Variants in SMCO2 observed in about 807,000 individuals in gnomAD.
SMCO2 encodes single-pass membrane and coiled-coil domain-containing protein 2.
Under a neutral mutation model 29.5 loss-of-function variants are expected in SMCO2, and 25 were observed. The ratio of observed to expected loss-of-function variants is 0.85; its 90% CI spans 0.62 to 1.18. The LOEUF is 1.18. Among genes scored for constraint, SMCO2 ranks in the 50% most tolerant of loss-of-function variants. The probability of loss-of-function intolerance (pLI) is 0.00; values close to 1 mark genes in which losing one functional copy is unlikely to be tolerated. For missense variants in SMCO2, 348 were observed against 344.5 expected (o/e 1.01, Z -0.08); for synonymous variants, 117 against 123.3 (o/e 0.95, Z 0.34).
chr12:27,491,092 A>G (rs1417333568), intron 5 of SMCO2, among the ~76,000 whole-genome samples: 1 of 152,212 alleles, frequency 6.6e-6, no homozygotes, highest in African/African-American at 2.4e-5. Flanking sequence ...AGCAAATAAA[A>G]TGTGGGAAAA....
chr12:27,434,326 C>A, the SMCO2 span, among the ~76,000 whole-genome samples: 2 of 152,252 alleles, frequency 1.3e-5, no homozygotes, highest in South Asian at 4.2e-4. Context: ...TTCCGAGACA[C>A]GCTACTGTTA....
chr12:27,477,916 T>C (rs1438572871), intron 4 of SMCO2, among the ~76,000 whole-genome samples: 3 of 152,152 alleles, frequency 2.0e-5, no homozygotes, highest in African/African-American at 4.8e-5. Flanking sequence ...TCCCTTTTCA[T>C]TGGGATGTTA....
chr12:27,424,028 A>G, the SMCO2 span: 1 of 152,236 alleles, frequency 6.6e-6, no homozygotes. Context: ...TAATAATTTT[A>G]TATTAATTAC....
chr12:27,467,208 A>G (rs1224159192), intron 1 of SMCO2, among the ~76,000 whole-genome samples: 2 of 152,152 alleles, frequency 1.3e-5, no homozygotes, highest in African/African-American at 4.8e-5. Flanking sequence ...GTTCCTTGTA[A>G]CTGAAACTGA....
chr12:27,485,987 A>C (rs1949686147), intron 4 of SMCO2, among the ~76,000 whole-genome samples: 1 of 152,196 alleles, frequency 6.6e-6, no homozygotes, highest in Non-Finnish European at 1.5e-5. Context: ...TTAGTCTAGG[A>C]CTAATACGGC....
In SMCO2 at chr12:27,495,679, G is replaced by T; in HGVS notation, c.508-1G>T. 6.9e-7 allele frequency: 1 copy of T among 1,452,224 alleles called. No homozygotes were observed. Among genetic ancestry groups the T allele is most frequent in the Admixed American group, 2.2e-5 (1 of 45,002 alleles). The allele number at this position is 1,452,224 out of a possible 1,614,324, so 90.0% of individuals were successfully genotyped here. A position where few individuals can be genotyped will look rare whatever the true frequency, so the allele number is the denominator to read the frequency against. ...GGTACTTGATTACTCTTTTTTTTCA[G>T]GACCTTTGCAAGAATGTGGAACTGC... is the stretch of plus-strand genomic sequence containing the variant. On this transcript the variant is annotated splice_acceptor_variant, in intron 6 of 7. Transcript: ENST00000298876. LOFTEE classifies it high-confidence loss of function.
In SMCO2 at chr12:27,470,710, A is replaced by G. The variant is rs1949534101; in HGVS notation, c.79A>G (p.Lys27Glu). The G allele has an allele frequency of 4.5e-6, 7 of 1,551,266 alleles. No homozygotes were observed. The South Asian group carries it at 5.9e-5, about 13-fold the overall frequency. The change falls in exon 2 of 8, where the codon AAG becomes GAG. Residue 27 changes from lysine (K) to glutamate (E), a missense_variant. Transcript: ENST00000298876. ...GGACTGCCAGGAACAACAGCTGACTAAGAAAAACAATGGCTTTTTCCAAAA... is the reference window on the plus strand; with the variant it reads ...GGACTGCCAGGAACAACAGCTGACTGAGAAAAACAATGGCTTTTTCCAAAA...
intron 5 of SMCO2, among the ~76,000 whole-genome samples, chr12:27,488,913 G>A (rs571818325): frequency 1.5e-4 from 23 of 152,142 alleles, no homozygotes; most frequent in African/African-American, 5.3e-4. Flanking sequence ...AGAGTGCAAG[G>A]GATCTACCTG....
chr12:27,482,991 C>T (rs1306605313), intron 4 of SMCO2, among the ~76,000 whole-genome samples: 8 of 152,076 alleles, frequency 5.3e-5, no homozygotes, highest in Admixed American at 1.3e-4. Context: ...CCTCCCAAAG[C>T]GCTGGGATTA....
In SMCO2 at chr12:27,484,463, G is replaced by T. The variant is rs754107519; in HGVS notation, c.363-3997G>T. ...TTTAGCTTTTTATGTCTGAAAAAAA[G>T]CATTCATTTTGTAAAGATAGTTTTG... On this transcript the variant is annotated intron_variant, in intron 4 of 7. Transcript: ENST00000298876. Among the ~76,000 whole-genome samples the T allele has an allele frequency of 7.9e-5, 12 of 152,204 alleles. No individual in the cohort carries two copies. In the South Asian group the frequency reaches 2.1e-3, roughly 26 times the overall value.
chr12:27,452,355 AC>A, the SMCO2 span, among the ~76,000 whole-genome samples: 4 of 152,038 alleles, frequency 2.6e-5, no homozygotes, highest in African/African-American at 9.7e-5. Context: ...CCACTCCTTC[AC>A]CCTCCTGAGT....
chr12:27,456,684 G>A, the SMCO2 span, among the ~76,000 whole-genome samples: 1 of 152,140 alleles, frequency 6.6e-6, no homozygotes, highest in Non-Finnish European at 1.5e-5. Context: ...CCTGGTAGAA[G>A]AATCATTTTT....
the SMCO2 span, among the ~76,000 whole-genome samples, chr12:27,443,918 A>G: frequency 6.6e-6 from 1 of 152,246 alleles, no homozygotes; most frequent in African/African-American, 2.4e-5. Flanking sequence ...TACAGATTCA[A>G]TGCAATCCCT....
chr12:27,501,415 C>T (rs1441845894), intron 7 of SMCO2, among the ~76,000 whole-genome samples: 1 of 85,870 alleles, frequency 1.2e-5, no homozygotes, highest in African/African-American at 4.8e-5. Flanking sequence ...GACTCCGTCT[C>T]AAAAAAAAAA....
intron 5 of SMCO2, among the ~76,000 whole-genome samples, chr12:27,490,223 A>T (rs1345479635): frequency 6.6e-6 from 1 of 152,246 alleles, no homozygotes; most frequent in Non-Finnish European, 1.5e-5. Context: ...AATGAATCAC[A>T]TGCATTACAG....
chr12:27,438,299 G>A, the SMCO2 span, among the ~76,000 whole-genome samples: 2 of 151,968 alleles, frequency 1.3e-5, no homozygotes, highest in African/African-American at 4.8e-5. Flanking sequence ...TTTATTTTCT[G>A]TGGTTTCATC....
upstream of SMCO2, among the ~76,000 whole-genome samples, chr12:27,464,778 T>C (rs571657412): frequency 7.0e-3 from 1,012 of 144,902 alleles, 14 homozygotes; most frequent in African/African-American, 0.025. Flanking sequence ...TCCCAGCACT[T>C]TGGGAGGCCG....
At chr12:27,495,603 G>A in intron 6 of SMCO2, 77 bp from the exon 8 acceptor site, 1 of 1,314,504 alleles carries the variant, frequency 7.6e-7, no homozygotes. Context: ...CAGAGGAAAA[G>A]CACTCAGCAT....
At chr12:27,472,477 G>A (rs1229790965) in intron 2 of SMCO2, among the ~76,000 whole-genome samples, 2 of 152,076 alleles carry the variant, frequency 1.3e-5, no homozygotes, top group Admixed American at 6.6e-5. Context: ...CTTATTTGTT[G>A]ATTGTGCACA....
Sources: allele counts gnomAD v4.1 joint callset (sites outside exome capture counted in the v4.1 genomes callset), GRCh38; gene constraint gnomAD v4.1.1; transcripts MANE v1.5; gene names NCBI Gene and HGNC (gene_info 2026-07-23, HGNC 2026-07-21).